Variants in TET1 observed in about 807,000 individuals in gnomAD.
TET1 encodes the protein methylcytosine dioxygenase TET1.
A neutral mutation model predicts 148.7 loss-of-function variants in TET1; 13 were observed. The observed-to-expected ratio is 0.09, with a 90% CI of 0.06 to 0.14. The LOEUF is 0.14. Ranked by LOEUF, TET1 falls within the 10% of genes least tolerant of loss-of-function variation. The pLI is 1.00. For missense variants in TET1, 2,182 were observed against 2,553.8 expected, an observed-to-expected ratio of 0.85 and a Z score of 3.14; for synonymous variants, 907 against 937.2, an observed-to-expected ratio of 0.97 and a Z score of 0.59.
At chr10:68,603,443 C>T (rs1388544422) in intron 3 of TET1, among the ~76,000 whole-genome samples, 1 of 152,136 alleles carries the variant, frequency 6.6e-6, no homozygotes, top group East Asian at 1.9e-4. Flanking sequence ...CTGAAATTGG[C>T]TGGCATGTCT....
rs527795789 is a variant in TET1, at chr10:68,593,524, G to A, written c.1915-7457G>A. Among the ~76,000 whole-genome samples, 15 of 151,834 alleles carry A rather than the reference G, an allele frequency of 9.9e-5. No homozygotes were observed. The South Asian group carries it at 3.1e-3, about 32-fold the overall frequency. ...GTGGCAGCATTTTGGCTCACTCTCT[G>A]CCTCCGGGGTTCAAGGGATTCTCTT... On this transcript the variant is annotated intron_variant, in intron 2 of 11. Transcript: ENST00000373644.
chr10:68,648,199 G>A (rs1564992193), intron 4 of TET1, among the ~76,000 whole-genome samples: 2 of 152,132 alleles, frequency 1.3e-5, no homozygotes, highest in Admixed American at 6.5e-5. Context: ...TTTTATTAGT[G>A]TGTTAAAAGC....
intron 3 of TET1, among the ~76,000 whole-genome samples, chr10:68,613,377 G>C (rs2054244832): frequency 6.6e-6 from 1 of 152,190 alleles, no homozygotes; most frequent in African/African-American, 2.4e-5. Context: ...GTAAATTTCA[G>C]TAAGTTTCAG....
chr10:68,671,494 G>A (rs189004752), intron 7 of TET1, among the ~76,000 whole-genome samples: 23 of 152,298 alleles, frequency 1.5e-4, no homozygotes, highest in Non-Finnish European at 2.9e-4. Context: ...ATTGTGAATA[G>A]CACTGCAGTG....
chr10:68,621,347 G>T (rs529777401), intron 3 of TET1, among the ~76,000 whole-genome samples: 1 of 152,190 alleles, frequency 6.6e-6, no homozygotes, highest in Admixed American at 6.5e-5. Context: ...GGTTCAAGTG[G>T]TTCTCCTGCC....
chr10:68,646,596 G>A lies in TET1; in HGVS notation c.3867G>A (p.Thr1289=), dbSNP rs777257116. The A allele has an allele frequency of 5.6e-6, 9 of 1,614,042 alleles. No homozygotes were observed. The highest frequency in any genetic ancestry group is 4.4e-5 in the South Asian group (4 of 91,076). ...CTTATAATTCTCAGGTACAGTTAAC[G>A]GTGAATGCCAATCAGAAAGCCCATC... is the stretch of plus-strand genomic sequence containing the variant. ...DKAYNSQVQL[T]VNANQKAHPL... Residue 1289 remains threonine (T), a synonymous_variant, in exon 4 of 12, where the codon ACG becomes ACA. Transcript: ENST00000373644.
chr10:68,692,794 C>G lies in TET1; in HGVS notation c.*980C>G. On this transcript the variant is annotated 3_prime_UTR_variant, in exon 12 of 12. Coordinates refer to ENST00000373644, the MANE Select transcript of TET1 (RefSeq NM_030625.3). ...CTCAATTTAGTTTCATCCCACCTTT[C>G]TCAGTATAATCCATGAGAGGTGTTT... 1 of 231,422 alleles carries G rather than the reference C, an allele frequency of 4.3e-6. No homozygotes were observed. Among genetic ancestry groups the G allele is most frequent in the East Asian group, 6.2e-5 (1 of 16,216 alleles). The allele number at this position is 231,422 out of a possible 1,614,324, so 14.3% of individuals were successfully genotyped here.
chr10:68,661,381 A>G (rs2055111988), intron 6 of TET1, among the ~76,000 whole-genome samples: 1 of 151,850 alleles, frequency 6.6e-6, no homozygotes, highest in East Asian at 1.9e-4. Context: ...AAAATTATAT[A>G]TACACATTAT....
At chr10:68,632,381 C>T (rs537805779) in intron 3 of TET1, 23 of 1,604,804 alleles carry the variant, frequency 1.4e-5, no homozygotes, top group African/African-American at 6.7e-5. Context: ...ATGGCCTCCA[C>T]GCCGGAGCCC....
chr10:68,686,273 G>A (rs1039853090), intron 10 of TET1, 83 bp from the exon 11 acceptor site: 1 of 1,193,846 alleles, frequency 8.4e-7, no homozygotes, highest in African/African-American at 1.5e-5. Context: ...TTTCCCAAAG[G>A]CAACAACACG....
chr10:68,592,264 C>T (rs1407817639), intron 2 of TET1, among the ~76,000 whole-genome samples: 1 of 151,976 alleles, frequency 6.6e-6, no homozygotes, highest in African/African-American at 2.4e-5. Context: ...TGCAGTGAGC[C>T]GAGATCGTGC....
At chr10:68,680,860 G>A (rs1318050695) in intron 8 of TET1, among the ~76,000 whole-genome samples, 1 of 152,170 alleles carries the variant, frequency 6.6e-6, no homozygotes, top group Non-Finnish European at 1.5e-5. Context: ...TCCTGACCTT[G>A]CTCTTTCGTA....
intron 2 of TET1, among the ~76,000 whole-genome samples, chr10:68,595,975 CACATATAT>C (rs1564958913): frequency 4.4e-5 from 2 of 45,798 alleles, no homozygotes; most frequent in Non-Finnish European, 8.4e-5. Context: ...CACACACACA[CACATATAT>C]ACACACACAC....
intron 6 of TET1, 99 bp downstream of exon 6, chr10:68,652,693 C>A (rs1589113635): frequency 1.2e-6 from 1 of 825,272 alleles, no homozygotes; most frequent in Non-Finnish European, 1.8e-6. Context: ...TTTATTTATT[C>A]ATTTATTTAT....
chr10:68,637,415 G>A (rs1002073491), intron 3 of TET1, among the ~76,000 whole-genome samples: 3 of 151,482 alleles, frequency 2.0e-5, no homozygotes, highest in Admixed American at 1.3e-4. Flanking sequence ...AAAAACTGTT[G>A]TACAGGTCTT....
intron 7 of TET1, among the ~76,000 whole-genome samples, chr10:68,672,436 C>T (rs557611358): frequency 9.5e-5 from 11 of 115,516 alleles, no homozygotes; most frequent in African/African-American, 1.3e-4. Flanking sequence ...TGCAGTGAGC[C>T]GAGATTGTGC....
chr10:68,673,364 CA>C, intron 8 of TET1: 1 of 282,266 alleles, frequency 3.5e-6, no homozygotes. Flanking sequence ...ACCCATTTGC[CA>C]AAATTTCAAA....
intron 3 of TET1, among the ~76,000 whole-genome samples, chr10:68,632,114 G>A (rs955488135): frequency 2.0e-5 from 3 of 152,014 alleles, no homozygotes; most frequent in Non-Finnish European, 2.9e-5. Context: ...CACGATGTCA[G>A]ATCGAGACCA....
chr10:68,657,378 G>A (rs1442165706), intron 6 of TET1, among the ~76,000 whole-genome samples: 8 of 151,970 alleles, frequency 5.3e-5, no homozygotes, highest in African/African-American at 1.2e-4. Flanking sequence ...GGGTTTCGCC[G>A]TGTTAGCCAG....
Sources: gnomAD v4.1 joint callset for allele counts (sites outside exome capture counted in the v4.1 genomes callset) on GRCh38, gnomAD v4.1.1 for gene constraint, MANE v1.5 for transcripts, NCBI Gene and HGNC (gene_info 2026-07-23, HGNC 2026-07-21) for gene names.